TBC1D22A: variants seen among roughly 807,000 people sequenced by gnomAD.
TBC1D22A encodes TBC1 domain family member 22A.
In TBC1D22A, 38 loss-of-function variants were observed where a neutral mutation model predicts 60.2. That is an observed-to-expected ratio of 0.63 (90% confidence interval 0.49 to 0.83). The LOEUF is 0.83. TBC1D22A is among the 40% of genes least tolerant of loss of function. The probability of loss-of-function intolerance (pLI) is 0.00; values close to 1 mark genes in which losing one functional copy is unlikely to be tolerated. For synonymous variants in TBC1D22A, 302 were observed against 281.7 expected (o/e 1.07, Z -0.72); for missense variants, 628 against 701.0 (o/e 0.90, Z 1.18).
chr22:47,030,757 G>A (rs979786080), intron 10 of TBC1D22A, among the ~76,000 whole-genome samples: 2 of 152,174 alleles, frequency 1.3e-5, no homozygotes, highest in African/African-American at 2.4e-5. Flanking sequence ...GCATCTGCTC[G>A]CAATTACTTA....
rs551425193 is a variant in TBC1D22A, at chr22:46,974,780, C to T, written c.1125+381C>T. On this transcript the variant is annotated intron_variant, in intron 9 of 12. Transcript: ENST00000337137. Reference sequence around the variant, plus strand: ...GGGCCTCAGATCGGGGGCCACAGCTCCTGGCCTCTGACACCAGGCTGTGAG... The same window carrying T: ...GGGCCTCAGATCGGGGGCCACAGCTTCTGGCCTCTGACACCAGGCTGTGAG... 7.9e-5 allele frequency among the ~76,000 whole-genome samples: 12 copies of T among 152,322 alleles called. No homozygotes were observed. The South Asian group carries it at 2.5e-3, about 32-fold the overall frequency.
intron 8 of TBC1D22A, among the ~76,000 whole-genome samples, chr22:46,947,935 C>T (rs1030630336): frequency 6.6e-6 from 1 of 152,182 alleles, no homozygotes; most frequent in African/African-American, 2.4e-5. Flanking sequence ...AGAAAAATTG[C>T]CAGGGCTTTT....
intron 12 of TBC1D22A, among the ~76,000 whole-genome samples, chr22:47,167,488 C>T (rs371842771): frequency 1.4e-4 from 22 of 152,304 alleles, no homozygotes; most frequent in African/African-American, 4.3e-4. Context: ...TTACTCCTGC[C>T]GCCCACAGCT....
chr22:46,901,426 C>T (rs2068986865), intron 7 of TBC1D22A, among the ~76,000 whole-genome samples: 1 of 152,152 alleles, frequency 6.6e-6, no homozygotes, highest in African/African-American at 2.4e-5. Context: ...CATAAGGAAA[C>T]CTCTGTGTTT....
chr22:46,896,044 G>A (rs1441477392), intron 7 of TBC1D22A, among the ~76,000 whole-genome samples: 7 of 152,148 alleles, frequency 4.6e-5, no homozygotes, highest in African/African-American at 1.4e-4. Flanking sequence ...CATGCTGTGG[G>A]ACTTCCTGTT....
intron 12 of TBC1D22A, among the ~76,000 whole-genome samples, chr22:47,136,618 C>T (rs898333379): frequency 6.6e-6 from 1 of 152,196 alleles, no homozygotes; most frequent in Non-Finnish European, 1.5e-5. Context: ...GGCCATGTGG[C>T]ACCAAGAGCC....
chr22:46,874,550 C>T (rs1443261171), intron 4 of TBC1D22A, among the ~76,000 whole-genome samples: 2 of 118,302 alleles, frequency 1.7e-5, no homozygotes, highest in African/African-American at 6.4e-5. Flanking sequence ...GTTTGTTTGG[C>T]TACAGGTATG....
At chr22:47,119,456 A>C (rs576994500) in intron 12 of TBC1D22A, among the ~76,000 whole-genome samples, 2 of 151,652 alleles carry the variant, frequency 1.3e-5, no homozygotes, top group Non-Finnish European at 2.9e-5. Flanking sequence ...GGAGTGTCTT[A>C]GTCCATTCCT....
intron 11 of TBC1D22A, among the ~76,000 whole-genome samples, chr22:47,065,450 G>A (rs2063718878): frequency 6.6e-6 from 1 of 152,202 alleles, no homozygotes; most frequent in African/African-American, 2.4e-5. Flanking sequence ...CACGGGGCAG[G>A]GCTCACGACC....
intron 8 of TBC1D22A, among the ~76,000 whole-genome samples, chr22:46,922,287 T>G (rs2070803514): frequency 6.6e-6 from 1 of 152,218 alleles, no homozygotes; most frequent in Non-Finnish European, 1.5e-5. Context: ...TGCCATGCTG[T>G]TTTTGTTAGT....
intron 10 of TBC1D22A, among the ~76,000 whole-genome samples, chr22:47,008,299 C>T: frequency 6.6e-6 from 1 of 152,196 alleles, no homozygotes; most frequent in East Asian, 1.9e-4. Context: ...ATGTGAGCAT[C>T]TTGGGGTCAG....
At chr22:47,122,426 A>G (rs1276179017) in intron 12 of TBC1D22A, among the ~76,000 whole-genome samples, 6 of 152,142 alleles carry the variant, frequency 3.9e-5, no homozygotes, top group African/African-American at 7.2e-5. Context: ...ATTTCTGAGT[A>G]ACCTGTGAGG....
At chr22:46,999,357 T>C (rs550217739) in intron 10 of TBC1D22A, among the ~76,000 whole-genome samples, 1 of 152,340 alleles carries the variant, frequency 6.6e-6, no homozygotes, top group South Asian at 2.1e-4. Context: ...ATTTTTTGTT[T>C]AAAGGATCAG....
At chr22:47,139,212 T>A (rs1485245615) in intron 12 of TBC1D22A, among the ~76,000 whole-genome samples, 1 of 152,184 alleles carries the variant, frequency 6.6e-6, no homozygotes, top group Non-Finnish European at 1.5e-5. Flanking sequence ...CAGCGACCAG[T>A]CAGGCACAGA....
At chr22:46,955,510 T>TGTGTGTGTG (rs2073140427) in intron 8 of TBC1D22A, among the ~76,000 whole-genome samples, 1 of 152,126 alleles carries the variant, frequency 6.6e-6, no homozygotes, top group South Asian at 2.1e-4. Context: ...CGTTTTCGTT[T>TGTGTGTGTG]GTGTGTGTGT....
chr22:46,839,309 CTT>C (rs1178066621), intron 4 of TBC1D22A, among the ~76,000 whole-genome samples: 22 of 139,964 alleles, frequency 1.6e-4, no homozygotes, highest in Non-Finnish European at 1.7e-4. Context: ...GATTCTTCTT[CTT>C]TTTTTTTTTT....
intron 10 of TBC1D22A, among the ~76,000 whole-genome samples, chr22:47,015,472 G>A (rs991742367): frequency 6.6e-6 from 1 of 152,208 alleles, no homozygotes; most frequent in African/African-American, 2.4e-5. Flanking sequence ...CTAATTTCGA[G>A]GAAACCTGCA....
At chr22:47,086,516 C>T (rs1603251946) in intron 11 of TBC1D22A, among the ~76,000 whole-genome samples, 1 of 152,148 alleles carries the variant, frequency 6.6e-6, no homozygotes. Flanking sequence ...GGTAAAGGGT[C>T]CAGGGGCATT....
intron 11 of TBC1D22A, among the ~76,000 whole-genome samples, chr22:47,073,299 T>C (rs1220086725): frequency 6.6e-6 from 1 of 152,240 alleles, no homozygotes; most frequent in Non-Finnish European, 1.5e-5. Context: ...TTCCAGATAC[T>C]GAAGCACAGA....
Sources: allele counts gnomAD v4.1 joint callset (sites outside exome capture counted in the v4.1 genomes callset), GRCh38; gene constraint gnomAD v4.1.1; transcripts MANE v1.5; gene names NCBI Gene and HGNC (gene_info 2026-07-23, HGNC 2026-07-21).